LHX8: variants seen among roughly 807,000 people sequenced by gnomAD.
LHX8 encodes LIM/homeobox protein Lhx8.
LHX8 carries 12 observed loss-of-function variants against 40.3 expected under a neutral mutation model. That is an observed-to-expected ratio of 0.30 (90% CI 0.19 to 0.48). The LOEUF (loss-of-function observed/expected upper bound fraction) is 0.48, where lower values mean the gene tolerates loss of function less well. Among genes scored for constraint, LHX8 ranks in the 20% least tolerant of loss-of-function variants. The pLI is 0.99. For synonymous variants in LHX8, 179 were observed against 162.0 expected (o/e 1.10, Z -0.80); for missense variants, 344 against 433.7 (o/e 0.79, Z 1.84).
At chr1:75,147,028 GT>G (rs1208588322) in intron 6 of LHX8, among the ~76,000 whole-genome samples, 2 of 152,094 alleles carry the variant, frequency 1.3e-5, no homozygotes, top group Non-Finnish European at 2.9e-5. Context: ...GTTATTACAT[GT>G]TCAACTGCAT....
the LHX8 span, among the ~76,000 whole-genome samples, chr1:75,172,786 A>G: frequency 6.6e-6 from 1 of 152,170 alleles, no homozygotes; most frequent in Non-Finnish European, 1.5e-5. Flanking sequence ...TCTCCCTTCC[A>G]GCTTTTCCTT....
the LHX8 span, among the ~76,000 whole-genome samples, chr1:75,181,625 A>T: frequency 1.3e-5 from 2 of 152,176 alleles, no homozygotes; most frequent in Admixed American, 6.5e-5. Flanking sequence ...TGGCTAGGAA[A>T]GGGAAATCCC....
intron 7 of LHX8, among the ~76,000 whole-genome samples, chr1:75,151,969 G>A (rs1288204400): frequency 6.6e-6 from 1 of 152,156 alleles, no homozygotes; most frequent in Non-Finnish European, 1.5e-5. Context: ...AATATGTTAA[G>A]GTTGAACATT....
chr1:75,131,504 C>G (rs1043177891), upstream of LHX8: 8 of 152,488 alleles, frequency 5.2e-5, no homozygotes, highest in African/African-American at 1.9e-4. Context: ...GCCTGCAGTG[C>G]GAGCTGAGTG....
At chr1:75,175,293 A>C in the LHX8 span, among the ~76,000 whole-genome samples, 4 of 152,212 alleles carry the variant, frequency 2.6e-5, no homozygotes, top group Non-Finnish European at 5.9e-5. Context: ...TTTTTCATGT[A>C]ATGAATTCTT....
chr1:75,193,128 ATCTC>A, the LHX8 span, among the ~76,000 whole-genome samples: 3 of 152,246 alleles, frequency 2.0e-5, no homozygotes, highest in South Asian at 4.1e-4. Context: ...AGGCTCCTTC[ATCTC>A]TCTATGTGAA....
At position 75,136,594 on chromosome 1, in the gene LHX8, A is replaced by G. The variant is rs1421891646; in HGVS notation, c.-12-9A>G. 1.3e-6 allele frequency: 2 copies of G among 1,543,006 alleles called. No individual in the cohort carries two copies. The highest frequency in any genetic ancestry group is 3.9e-5 in the Admixed American group (2 of 50,914). On this transcript the variant is annotated splice_polypyrimidine_tract_variant and intron_variant, in intron 1 of 8. Transcript: ENST00000356261. The stretch of plus-strand genomic sequence containing the variant: ...TTTCTCCATACTTTCTCCCCCTCCT[A>G]CTCCGCAGTGTCAGGGGCTCATGTC...
rs1328460057 is a variant in LHX8, at chr1:75,134,408, C to T, written c.-559C>T. 2.0e-5 allele frequency among the ~76,000 whole-genome samples: 3 copies of T among 151,744 alleles called. No individual in the cohort carries two copies. Among genetic ancestry groups the T allele is most frequent in the Non-Finnish European group, 4.4e-5 (3 of 67,986 alleles). On this transcript the variant is annotated 5_prime_UTR_variant, in exon 1 of 9. Transcript: ENST00000356261. ...AGCTCAGTGCTCACTTCACTCAGAG[C>T]TCAGTGAAGCTGGGAAAGGAATTTT...
chr1:75,163,826 C>T (rs1193934548), downstream of LHX8, among the ~76,000 whole-genome samples: 2 of 152,148 alleles, frequency 1.3e-5, no homozygotes, highest in Non-Finnish European at 2.9e-5. Context: ...TGAAAGATAA[C>T]CAGGTCATGA....
the LHX8 span, among the ~76,000 whole-genome samples, chr1:75,167,475 T>G: frequency 1.9e-4 from 29 of 152,098 alleles, no homozygotes; most frequent in Non-Finnish European, 4.0e-4. Context: ...CTCTCCTTTC[T>G]CCATTTCTCT....
chr1:75,158,869 C>A (rs1231578514), intron 8 of LHX8, among the ~76,000 whole-genome samples: 1 of 152,000 alleles, frequency 6.6e-6, no homozygotes, highest in African/African-American at 2.4e-5. Context: ...TATTTCTACC[C>A]CAAAAGGGAA....
chr1:75,176,420 C>T, the LHX8 span, among the ~76,000 whole-genome samples: 1 of 152,184 alleles, frequency 6.6e-6, no homozygotes, highest in East Asian at 1.9e-4. Context: ...CTCTGATGGC[C>T]AGTGATGATG....
In LHX8 at chr1:75,136,645, C is replaced by A; in HGVS notation, c.31C>A (p.Leu11Met). 1 of 1,549,506 alleles carries A rather than the reference C, an allele frequency of 6.5e-7. No homozygotes were observed. Residue 11 changes from leucine to methionine, a missense_variant, in exon 2 of 9, where the codon CTG becomes ATG. Transcript: ENST00000356261. MSEECGRTTA[L>M]AAGRTRKGAG... Reference sequence around the variant, plus strand: ...AGAGGAGTGCGGGCGGACTACAGCCCTGGCGGCCGGGAGGACTCGCAAAGG... The same window carrying A: ...AGAGGAGTGCGGGCGGACTACAGCCATGGCGGCCGGGAGGACTCGCAAAGG...
At chr1:75,194,799 G>T in the LHX8 span, among the ~76,000 whole-genome samples, 1 of 152,170 alleles carries the variant, frequency 6.6e-6, no homozygotes, top group Admixed American at 6.5e-5. Context: ...GATGAGGTTA[G>T]ATAAAGATTA....
In LHX8 at chr1:75,144,479, T is replaced by C. The variant is rs993574319; in HGVS notation, c.684+531T>C. 1.3e-5 allele frequency among the ~76,000 whole-genome samples: 2 copies of C among 152,310 alleles called. 1 individual carries two copies. Among genetic ancestry groups the C allele is most frequent in the South Asian group, 4.1e-4 (2 of 4,832 alleles). ...ACTGGTTGACTACAATTGAGCAGAT[T>C]CCTTTATGTTTTTAAAGGTGGTAAA... is the stretch of plus-strand genomic sequence containing the variant. On this transcript the variant is annotated intron_variant, in intron 6 of 8. Transcript: ENST00000356261.
chr1:75,151,838 A>G (rs1648621713), intron 7 of LHX8, among the ~76,000 whole-genome samples: 1 of 152,242 alleles, frequency 6.6e-6, no homozygotes, highest in South Asian at 2.1e-4. Flanking sequence ...TTGAAGGACT[A>G]AGGAACACAG....
At chr1:75,158,002 T>A (rs1304730529) in intron 8 of LHX8, among the ~76,000 whole-genome samples, 1 of 152,204 alleles carries the variant, frequency 6.6e-6, no homozygotes, top group Non-Finnish European at 1.5e-5. Context: ...TTCACAGTGG[T>A]TGAACCAGTT....
At chr1:75,170,090 A>G in the LHX8 span, among the ~76,000 whole-genome samples, 10 of 152,292 alleles carry the variant, frequency 6.6e-5, no homozygotes, top group Non-Finnish European at 8.8e-5. Flanking sequence ...CTATGCTAAC[A>G]TGAATCCACA....
the LHX8 span, among the ~76,000 whole-genome samples, chr1:75,189,996 A>G: frequency 6.6e-6 from 1 of 152,242 alleles, no homozygotes; most frequent in Non-Finnish European, 1.5e-5. Flanking sequence ...TAAATATGAT[A>G]TGGCCCCTGC....
Sources: allele counts gnomAD v4.1 joint callset (sites outside exome capture counted in the v4.1 genomes callset), GRCh38; gene constraint gnomAD v4.1.1; transcripts MANE v1.5; gene names NCBI Gene and HGNC (gene_info 2026-07-23, HGNC 2026-07-21).